LARS2: variants seen among roughly 807,000 people sequenced by gnomAD.
The protein encoded by LARS2 is leucyl-tRNA synthetase 2, mitochondrial.
LARS2 carries 81 observed loss-of-function variants against 116.6 expected under a neutral mutation model. The observed-to-expected ratio is 0.69, with a 90% CI of 0.58 to 0.84. LARS2 has a LOEUF of 0.84. Among genes scored for constraint, LARS2 ranks in the 40% least tolerant of loss-of-function variants. The pLI is 0.00. For missense variants in LARS2, 968 were observed against 1,114.5 expected (o/e 0.87, Z 1.87); for synonymous variants, 396 against 407.2 (o/e 0.97, Z 0.33).
At chr3:45,510,063 A>C (rs1359392895) in intron 15 of LARS2, among the ~76,000 whole-genome samples, 1 of 152,002 alleles carries the variant, frequency 6.6e-6, no homozygotes, top group East Asian at 1.9e-4. Flanking sequence ...GATTGAGTTC[A>C]AGGCAATTAA....
chr3:45,409,637 C>A (rs1348367585), intron 4 of LARS2, among the ~76,000 whole-genome samples: 1 of 152,148 alleles, frequency 6.6e-6, no homozygotes, highest in Non-Finnish European at 1.5e-5. Context: ...TCTTATAGAA[C>A]AAAAGTGAGC....
Position 45,394,632 on chromosome 3 carries a change from A to G in LARS2, c.179A>G (p.Glu60Gly), listed in dbSNP as rs762319941. The change falls in exon 3 of 22, where the codon GAG (glutamate) becomes GGG (glycine). Residue 60 changes from glutamate (E) to glycine (G), a missense_variant. Physicochemically the swap from Glu to Gly is moderately conservative, Grantham distance 98 (BLOSUM62 -2). Transcript: ENST00000645846. ...EYTLQTRKDV[E>G]KWWHQRIKEQ... ...ACATTGCAGACAAGAAAGGATGTTG[A>G]GAAATGGTGGCATCAACGAATAAAA... 1.9e-6 allele frequency: 3 copies of G among 1,614,246 alleles called. No homozygotes were observed. The South Asian group carries it at 3.3e-5, about 18-fold the overall frequency.
intron 14 of LARS2, among the ~76,000 whole-genome samples, chr3:45,497,150 G>A (rs981229063): frequency 7.2e-5 from 11 of 151,948 alleles, no homozygotes; most frequent in Non-Finnish European, 1.5e-4. Context: ...TAATTGCTGG[G>A]AGAAACAACC....
chr3:45,517,918 G>A lies in LARS2; in HGVS notation c.2060G>A (p.Gly687Glu). ...CTGAATTCAGCTGATGCTCTCCCTG[G>A]GGTGCTGAGATGGCAACAACGACTG... ...LWDVKTDALPGVLRWQQRLWT... is the reference protein window; with the variant it reads ...LWDVKTDALPEVLRWQQRLWT... Residue 687 changes from glycine (G) to glutamate (E), a missense_variant, in exon 18 of 22, where the codon GGG becomes GAG. Gly to Glu is a moderately conservative substitution (Grantham distance 98). Transcript: ENST00000645846. The A allele has an allele frequency of 6.2e-7, 1 of 1,613,232 alleles. No individual in the cohort carries two copies. The highest frequency in any genetic ancestry group is 8.5e-7 in the Non-Finnish European group (1 of 1,179,672).
At chr3:45,432,953 A>G (rs1179283800) in intron 6 of LARS2, among the ~76,000 whole-genome samples, 5 of 152,016 alleles carry the variant, frequency 3.3e-5, no homozygotes, top group Non-Finnish European at 5.9e-5. Flanking sequence ...TCTGAAGTCT[A>G]TTTTATGATA....
intron 6 of LARS2, among the ~76,000 whole-genome samples, chr3:45,425,444 A>C (rs1300821267): frequency 6.6e-6 from 1 of 152,178 alleles, no homozygotes; most frequent in Non-Finnish European, 1.5e-5. Flanking sequence ...AGAGATTTAG[A>C]GTGTGGTTAT....
chr3:45,400,704 G>A (rs1193223976), intron 4 of LARS2, among the ~76,000 whole-genome samples: 3 of 152,304 alleles, frequency 2.0e-5, no homozygotes, highest in East Asian at 3.9e-4. Context: ...TGTATATAAC[G>A]AACTGAGGTC....
chr3:45,457,540 TG>T lies in LARS2; in HGVS notation c.607-1201del, dbSNP rs1311832345. 3.3e-5 allele frequency among the ~76,000 whole-genome samples: 5 copies of T among 152,304 alleles called. No individual in the cohort carries two copies. The East Asian group carries it at 9.7e-4, about 29-fold the overall frequency. On this transcript the variant is annotated intron_variant, in intron 7 of 21. Transcript: ENST00000645846. ...CTAAAAATACAAAATTAGCTGGGCC[TG>T]GTGGCACATGCCTGTAATCCCAGCT...
intron 15 of LARS2, among the ~76,000 whole-genome samples, chr3:45,506,252 C>T (rs1700199287): frequency 6.6e-6 from 1 of 152,072 alleles, no homozygotes; most frequent in South Asian, 2.1e-4. Context: ...CAGCATTACT[C>T]TTGTTGGATC....
intron 6 of LARS2, among the ~76,000 whole-genome samples, chr3:45,436,875 C>G (rs768933586): frequency 2.0e-5 from 3 of 151,618 alleles, no homozygotes; most frequent in Non-Finnish European, 2.9e-5. Context: ...TGGCAAAGAG[C>G]AATTTCCAAG....
At chr3:45,427,381 C>T (rs1054211049) in intron 6 of LARS2, among the ~76,000 whole-genome samples, 2 of 152,176 alleles carry the variant, frequency 1.3e-5, no homozygotes, top group Non-Finnish European at 2.9e-5. Context: ...TCCTCAGTTT[C>T]TGAATGTGTA....
In LARS2 at chr3:45,491,730, G is replaced by C. The variant is rs199702518; in HGVS notation, c.1453G>C (p.Ala485Pro). The change falls in exon 13 of 22, where the codon GCG (alanine) becomes CCG (proline). Residue 485 changes from alanine (A) to proline (P), a missense_variant. Ala to Pro is a conservative substitution (Grantham distance 27). Coordinates refer to ENST00000645846, the MANE Select transcript of LARS2 (RefSeq NM_015340.4). ...CTTGCCTGTGACCCTGCCCAACATC[G>C]CGTCTTTCACTGGCAAGGGAGGCCC... is the stretch of plus-strand genomic sequence containing the variant. ...EDLPVTLPNI[A>P]SFTGKGGPPL... 2 of 1,613,754 alleles carry C rather than the reference G, an allele frequency of 1.2e-6. No homozygotes were observed. Among genetic ancestry groups the C allele is most frequent in the Admixed American group, 3.3e-5 (2 of 59,992 alleles).
chr3:45,501,662 A>G (rs913525448), intron 15 of LARS2, among the ~76,000 whole-genome samples: 2 of 152,212 alleles, frequency 1.3e-5, no homozygotes, highest in East Asian at 3.9e-4. Context: ...TTCCTGACAT[A>G]TGCGTCACCA....
chr3:45,489,482 A>C (rs1230867254), intron 12 of LARS2, among the ~76,000 whole-genome samples: 1 of 146,190 alleles, frequency 6.8e-6, no homozygotes, highest in Non-Finnish European at 1.5e-5. Flanking sequence ...CCCAGGTGAG[A>C]CCCCAAAATT....
intron 2 of LARS2, among the ~76,000 whole-genome samples, chr3:45,392,550 C>T (rs1393151420): frequency 6.6e-6 from 1 of 152,156 alleles, no homozygotes; most frequent in Non-Finnish European, 1.5e-5. Context: ...CTGCCTCAGC[C>T]TCCCAGAATG....
intron 10 of LARS2, among the ~76,000 whole-genome samples, chr3:45,483,021 A>G (rs1348457249): frequency 3.9e-5 from 6 of 152,212 alleles, no homozygotes; most frequent in Non-Finnish European, 5.9e-5. Flanking sequence ...CACATCCTCC[A>G]TGGCCACACC....
chr3:45,440,968 C>T (rs1485146161), intron 6 of LARS2, among the ~76,000 whole-genome samples: 1 of 152,072 alleles, frequency 6.6e-6, no homozygotes, highest in African/African-American at 2.4e-5. Context: ...CATCAGCCCA[C>T]CTCTGAGTGG....
intron 4 of LARS2, among the ~76,000 whole-genome samples, chr3:45,417,247 C>G (rs943379836): frequency 1.3e-5 from 2 of 152,086 alleles, no homozygotes; most frequent in African/African-American, 4.8e-5. Flanking sequence ...ATAAAAAGTA[C>G]TCATGAAAAC....
chr3:45,509,497 T>C (rs180862920), intron 15 of LARS2: 29 of 152,268 alleles, frequency 1.9e-4, no homozygotes, highest in Admixed American at 1.4e-3. Flanking sequence ...TCACATTTGG[T>C]ACGTCTTTCT....
Sources: gnomAD v4.1 joint callset for allele counts (sites outside exome capture counted in the v4.1 genomes callset) on GRCh38, gnomAD v4.1.1 for gene constraint, MANE v1.5 for transcripts, NCBI Gene and HGNC (gene_info 2026-07-23, HGNC 2026-07-21) for gene names.